The following CACYBP variants were observed in gnomAD, a reference collection of about 807,000 sequenced individuals.
CACYBP encodes the protein calcyclin-binding protein.
CACYBP carries 11 observed loss-of-function variants against 29.6 expected under a neutral mutation model. The ratio of observed to expected loss-of-function variants is 0.37; its 90% CI spans 0.23 to 0.61. The LOEUF is 0.61. Among genes scored for constraint, CACYBP ranks in the 20% least tolerant of loss-of-function variants. The pLI, the probability that CACYBP is intolerant of heterozygous loss-of-function variation, is 0.65. For missense variants in CACYBP, 163 were observed against 260.7 expected, an observed-to-expected ratio of 0.63 and a Z score of 2.58; for synonymous variants, 73 against 88.3, an observed-to-expected ratio of 0.83 and a Z score of 0.97.
At chr1:175,001,480 A>G (rs1048460382) in intron 1 of CACYBP, among the ~76,000 whole-genome samples, 2 of 152,202 alleles carry the variant, frequency 1.3e-5, no homozygotes, top group Non-Finnish European at 2.9e-5. Context: ...GTTTTAAACA[A>G]TTGCTTCCCA....
At position 175,010,108 on chromosome 1, in the gene CACYBP, T is replaced by G. The variant is rs1480287903; in HGVS notation, c.*29T>G. On this transcript the variant is annotated 3_prime_UTR_variant, in exon 6 of 6. Coordinates refer to ENST00000367679, the MANE Select transcript of CACYBP (RefSeq NM_014412.3). ...TTTAAAGTCGTTTTGGGAACTGTGATGTGATGTGGAAATACTGATGTTTCC... is the reference window on the plus strand; with the variant it reads ...TTTAAAGTCGTTTTGGGAACTGTGAGGTGATGTGGAAATACTGATGTTTCC... 3 of 1,599,638 alleles carry G rather than the reference T, an allele frequency of 1.9e-6. No homozygotes were observed. The highest frequency in any genetic ancestry group is 1.7e-5 in the Admixed American group (1 of 58,774).
At chr1:175,004,883 T>C (rs907864717) in intron 2 of CACYBP, 50 bp downstream of exon 2, 1 of 1,147,744 alleles carries the variant, frequency 8.7e-7, no homozygotes, top group South Asian at 1.2e-5. Context: ...AACCTATTCC[T>C]CATAGTGGTC....
At position 175,006,633 on chromosome 1, in the gene CACYBP, A is replaced by G. The variant is rs531823049; in HGVS notation, c.236-112A>G. 1.5e-5 allele frequency: 9 copies of G among 597,524 alleles called. No homozygotes were observed. In the African/African-American group the frequency reaches 1.5e-4, roughly 10 times the overall value. 37.0% of individuals were successfully genotyped at this position (597,524 alleles called of 1,614,324 possible). A position where few individuals can be genotyped will look rare whatever the true frequency, so the allele number is the denominator to read the frequency against. On this transcript the variant is annotated intron_variant, in intron 2 of 5. Transcript: ENST00000367679. ...ATATTTCAAATTTTTTCATGTTTAT[A>G]TGACTGGATTTTCATAATTTTACTT...
chr1:175,005,088 A>G, intron 2 of CACYBP: 3 of 468,060 alleles, frequency 6.4e-6, no homozygotes, highest in Non-Finnish European at 1.2e-5. Flanking sequence ...ATTGTTCAGT[A>G]TAAGACACAG....
In CACYBP at chr1:175,000,066, A is replaced by G. The variant is rs755859164; in HGVS notation, c.-115A>G. ...CAGGGTCGGTGTGGGCGCAGGCTGC[A>G]GCGCCGCGACTCGTGCGGGTAGGCG... On this transcript the variant is annotated 5_prime_UTR_variant, in exon 1 of 6. Coordinates refer to ENST00000367679, the MANE Select transcript of CACYBP (RefSeq NM_014412.3). The G allele has an allele frequency of 2.0e-3, 2,891 of 1,415,534 alleles. 9 individuals are homozygous for G. Among genetic ancestry groups the G allele is most frequent in the Non-Finnish European group, 2.6e-3 (2,626 of 1,025,634 alleles). The allele number at this position is 1,415,534 out of a possible 1,614,324, so 87.7% of individuals were successfully genotyped here. A position where few individuals can be genotyped will look rare whatever the true frequency, so the allele number is the denominator to read the frequency against.
At chr1:175,009,050 GAT>G (rs1672684056) in intron 5 of CACYBP, among the ~76,000 whole-genome samples, 2 of 152,286 alleles carry the variant, frequency 1.3e-5, no homozygotes, top group South Asian at 4.1e-4. Context: ...TAGTGAAAAA[GAT>G]AAAATATTTT....
intron 4 of CACYBP, among the ~76,000 whole-genome samples, chr1:175,007,713 TG>T (rs1310837776): frequency 6.6e-6 from 1 of 152,254 alleles, no homozygotes; most frequent in African/African-American, 2.4e-5. Flanking sequence ...TTATGTAAAG[TG>T]CTTAAATTAA....
intron 5 of CACYBP, among the ~76,000 whole-genome samples, chr1:175,009,236 A>C (rs539896007): frequency 6.6e-6 from 1 of 152,334 alleles, no homozygotes; most frequent in African/African-American, 2.4e-5. Flanking sequence ...GCTTCAGGGT[A>C]CATCCATGTG....
At position 175,007,147 on chromosome 1, in the gene CACYBP, A is replaced by C. The variant is rs936689171; in HGVS notation, c.382A>C (p.Ile128Leu). The C allele has an allele frequency of 3.1e-6, 5 of 1,612,616 alleles. No individual in the cohort carries two copies. The highest frequency in any genetic ancestry group is 4.2e-6 in the Non-Finnish European group (5 of 1,179,086). Residue 128 changes from isoleucine (I) to leucine (L), a missense_variant, in exon 4 of 6, where the codon ATT (isoleucine) becomes CTT (leucine). Transcript: ENST00000367679. Reference protein sequence around the residue: ...KNLNGKSYSMIVNNLLKPISV... With the variant: ...KNLNGKSYSMLVNNLLKPISV... ...TCTAAATGGGAAGAGTTACTCCATG[A>C]TTGTGAACAATCTCTTGAAACCCAT...
intron 2 of CACYBP, 100 bp from the exon 3 acceptor site, chr1:175,006,645 T>C: frequency 1.6e-6 from 1 of 627,880 alleles, no homozygotes; most frequent in South Asian, 2.2e-5. Context: ...GACTGGATTT[T>C]CATAATTTTA....
Position 175,007,292 on chromosome 1 carries a change from C to T in CACYBP, c.432+95C>T, listed in dbSNP as rs190077116. ...AGATGAACTGGAATGAATTTGTCCT[C>T]TGTAACAGGGACCACCGCCTGTTTT... On this transcript the variant is annotated intron_variant, in intron 4 of 5. Transcript: ENST00000367679. The T allele has an allele frequency of 1.2e-5, 9 of 734,248 alleles. No homozygotes were observed. The Admixed American group carries it at 1.6e-4, about 13-fold the overall frequency. The allele number at this position is 734,248 out of a possible 1,614,324, so 45.5% of individuals were successfully genotyped here.
intron 1 of CACYBP, among the ~76,000 whole-genome samples, chr1:175,001,972 T>C (rs1455841227): frequency 2.0e-5 from 3 of 152,132 alleles, no homozygotes; most frequent in Non-Finnish European, 4.4e-5. Context: ...GAACTCCTGA[T>C]CTCAAGTGAT....
rs765835129 is a variant in CACYBP, at chr1:175,006,058, CAG to C, written c.236-685_236-684del. Among the ~76,000 whole-genome samples the C allele has an allele frequency of 1.1e-3, 173 of 152,248 alleles. 1 individual carries two copies. Among genetic ancestry groups the C allele is most frequent in the Admixed American group, 3.1e-3 (48 of 15,282 alleles). The stretch of plus-strand genomic sequence containing the variant: ...TATGTATGTATATATTCTTGATAAA[CAG>C]AAGATGCTTTTTTGTGAAGTTTTTT... On this transcript the variant is annotated intron_variant, in intron 2 of 5. Transcript: ENST00000367679.
chr1:175,005,985 A>AT (rs1265577475), intron 2 of CACYBP, among the ~76,000 whole-genome samples: 5 of 152,260 alleles, frequency 3.3e-5, no homozygotes, highest in Admixed American at 2.6e-4. Context: ...GTCATGGAGG[A>AT]TGGGGCATGT....
Position 175,008,868 on chromosome 1 carries a change from G to T in CACYBP, c.530+162G>T, listed in dbSNP as rs1672680863. The T allele has an allele frequency of 6.8e-6, 4 of 592,496 alleles. No homozygotes were observed. In the Admixed American group the frequency reaches 1.2e-4, roughly 17 times the overall value. The allele number at this position is 592,496 out of a possible 1,614,324, so 36.7% of individuals were successfully genotyped here. A position where few individuals can be genotyped will look rare whatever the true frequency, so the allele number is the denominator to read the frequency against. On this transcript the variant is annotated intron_variant, in intron 5 of 5. Coordinates refer to ENST00000367679, the MANE Select transcript of CACYBP (RefSeq NM_014412.3). The stretch of plus-strand genomic sequence containing the variant: ...GCTTTTTAAGGTCTTTGTAGTTAAG[G>T]GTTGGCTCTTTAGTGTGGTTCTTAA...
intron 1 of CACYBP, 61 bp downstream of exon 1, chr1:175,000,256 C>T: frequency 1.3e-6 from 2 of 1,553,712 alleles, no homozygotes; most frequent in Non-Finnish European, 1.7e-6. Context: ...GCCAGCCTCC[C>T]GCCCTACCGC....
intron 2 of CACYBP, 77 bp downstream of exon 2, chr1:175,004,910 A>G: frequency 2.1e-6 from 2 of 960,182 alleles, no homozygotes; most frequent in Non-Finnish European, 3.4e-6. Context: ...ATTCATCCCC[A>G]ATGAGTTTTG....
Position 175,004,724 on chromosome 1 carries a change from C to A in CACYBP, c.126C>A (p.Asn42Lys). 1 of 1,613,658 alleles carries A rather than the reference C, an allele frequency of 6.2e-7. No homozygotes were observed. The highest frequency in any genetic ancestry group is 8.5e-7 in the Non-Finnish European group (1 of 1,179,580). The change falls in exon 2 of 6, where the codon AAC becomes AAA. Residue 42 changes from asparagine (N) to lysine (K), a missense_variant. Asn to Lys is a moderately conservative substitution (Grantham distance 94). Transcript: ENST00000367679. ...EKSKIETEIK[N>K]KMQQKSQKKA... Reference sequence around the variant, plus strand: ...CCAAGATTGAGACAGAAATCAAGAACAAGATGCAACAGAAATCACAGAAGA... The same window carrying A: ...CCAAGATTGAGACAGAAATCAAGAAAAAGATGCAACAGAAATCACAGAAGA...
intron 1 of CACYBP, among the ~76,000 whole-genome samples, chr1:175,002,488 G>T (rs1672517323): frequency 6.6e-6 from 1 of 152,158 alleles, no homozygotes; most frequent in Non-Finnish European, 1.5e-5. Flanking sequence ...ATGCCTCCTA[G>T]TGAAAAATTA....
Sources: allele counts gnomAD v4.1 joint callset (sites outside exome capture counted in the v4.1 genomes callset), GRCh38; gene constraint gnomAD v4.1.1; transcripts MANE v1.5; gene names NCBI Gene and HGNC (gene_info 2026-07-23, HGNC 2026-07-21).